Variants in PCDHGA6 observed in about 807,000 individuals in gnomAD.
PCDHGA6 encodes the protein protocadherin gamma subfamily A, 6.
PCDHGA6 carries 41 observed loss-of-function variants against 60.6 expected under a neutral mutation model. The observed-to-expected ratio is 0.68, with a 90% CI of 0.53 to 0.88. The LOEUF (loss-of-function observed/expected upper bound fraction) is 0.88. PCDHGA6 is among the 40% of genes least tolerant of loss of function. The pLI, the probability that PCDHGA6 is intolerant of heterozygous loss-of-function variation, is 0.00. For missense variants in PCDHGA6, 1,312 were observed against 1,203.0 expected (o/e 1.09, Z -1.34); for synonymous variants, 594 against 524.4 (o/e 1.13, Z -1.81).
intron 1 of PCDHGA6, among the ~76,000 whole-genome samples, chr5:141,430,066 G>A (rs550834063): frequency 4.1e-4 from 62 of 152,102 alleles, no homozygotes; most frequent in Non-Finnish European, 8.4e-4. Flanking sequence ...TCATTTTTAG[G>A]TTTCCATAAT....
In PCDHGA6 at chr5:141,486,752, C is replaced by G. The variant is rs776406247; in HGVS notation, c.2425-8055C>G. On this transcript the variant is annotated intron_variant, in intron 1 of 3. Transcript: ENST00000517434. The surrounding 1 kb of genome is among the most constrained non-coding windows in gnomAD (Gnocchi z 5.0). ...TGCTACTCGATCCTTTGACTATGAG[C>G]AAACCCAGACACTGCAGTTTGAGGT... 6.2e-7 allele frequency: 1 copy of G among 1,614,244 alleles called. No individual in the cohort carries two copies. The highest frequency in any genetic ancestry group is 1.3e-5 in the African/African-American group (1 of 75,080).
At chr5:141,483,745 T>C (rs1288301129) in intron 1 of PCDHGA6, among the ~76,000 whole-genome samples, 1 of 152,130 alleles carries the variant, frequency 6.6e-6, no homozygotes, top group Non-Finnish European at 1.5e-5. Flanking sequence ...AGGATATTCC[T>C]GAGGATCGAG....
At chr5:141,403,403 C>T in intron 1 of PCDHGA6, 5 of 1,614,066 alleles carry the variant, frequency 3.1e-6, no homozygotes, top group Non-Finnish European at 4.2e-6. Context: ...TCCTGGAGCA[C>T]GTTATCCACT....
At chr5:141,506,735 G>A (rs1467217136) in intron 3 of PCDHGA6, among the ~76,000 whole-genome samples, 1 of 152,098 alleles carries the variant, frequency 6.6e-6, no homozygotes, top group Non-Finnish European at 1.5e-5. Context: ...TTAGAATAAT[G>A]CCTATTAATA....
chr5:141,401,370 G>A (rs1226150761), intron 1 of PCDHGA6, among the ~76,000 whole-genome samples: 1 of 152,028 alleles, frequency 6.6e-6, no homozygotes, highest in Non-Finnish European at 1.5e-5. Flanking sequence ...AGGAGAGGAA[G>A]AAGAAGAAAA....
At position 141,485,930 on chromosome 5, in the gene PCDHGA6, G is replaced by C; in HGVS notation, c.2425-8877G>C. ...ATCCAGCTACAGGATTAGTGTGTTGGAGAGCGCACCAGCGGGCATGGTGCT... is the reference window on the plus strand; with the variant it reads ...ATCCAGCTACAGGATTAGTGTGTTGCAGAGCGCACCAGCGGGCATGGTGCT... On this transcript the variant is annotated intron_variant, in intron 1 of 3. Coordinates refer to ENST00000517434, the MANE Select transcript of PCDHGA6 (RefSeq NM_018919.3). The surrounding 1 kb of genome is among the most constrained non-coding windows in gnomAD (Gnocchi z 5.7). 6.2e-7 allele frequency: 1 copy of C among 1,614,178 alleles called. No homozygotes were observed. The highest frequency in any genetic ancestry group is 8.5e-7 in the Non-Finnish European group (1 of 1,180,042).
At chr5:141,455,330 G>T (rs2098819667) in intron 1 of PCDHGA6, among the ~76,000 whole-genome samples, 1 of 152,042 alleles carries the variant, frequency 6.6e-6, no homozygotes, top group South Asian at 2.1e-4. Context: ...GTGTGTTTGT[G>T]GTTTTAAGGA....
chr5:141,425,661 C>A (rs993314865), intron 1 of PCDHGA6, among the ~76,000 whole-genome samples: 5 of 152,184 alleles, frequency 3.3e-5, no homozygotes, highest in Admixed American at 3.3e-4. Context: ...ATTATCTGCA[C>A]ATCAGATTGA....
rs1236113306 is a variant in PCDHGA6, at chr5:141,374,714, G to A, written c.631G>A (p.Val211Ile). Residue 211 changes from valine to isoleucine, a missense_variant, in exon 1 of 4, where the codon GTC becomes ATC. Val to Ile is a conservative substitution (Grantham distance 29). Coordinates refer to ENST00000517434, the MANE Select transcript of PCDHGA6 (RefSeq NM_018919.3). ...DREGEAVYRL[V>I]LTAMDGGDPV... The stretch of plus-strand genomic sequence containing the variant: ...GGAAGGAGAAGCCGTTTACCGCCTG[G>A]TCCTTACTGCCATGGATGGCGGCGA... 1 of 1,609,850 alleles carries A rather than the reference G, an allele frequency of 6.2e-7. No homozygotes were observed. Among genetic ancestry groups the A allele is most frequent in the Middle Eastern group, 1.7e-4 (1 of 6,056 alleles).
chr5:141,456,301 C>CA (rs761557752), intron 1 of PCDHGA6, among the ~76,000 whole-genome samples: 14 of 152,154 alleles, frequency 9.2e-5, no homozygotes, highest in Non-Finnish European at 1.6e-4. Flanking sequence ...TAATGGAGAA[C>CA]AGCAGCTAGG....
intron 1 of PCDHGA6, among the ~76,000 whole-genome samples, chr5:141,447,993 T>A (rs2098557542): frequency 6.6e-6 from 1 of 151,554 alleles, no homozygotes; most frequent in Non-Finnish European, 1.5e-5. Context: ...GGCTGAGGCA[T>A]GAGAATCGCT....
intron 1 of PCDHGA6, chr5:141,409,017 G>T (rs745981387): frequency 3.1e-6 from 5 of 1,613,840 alleles, no homozygotes; most frequent in Non-Finnish European, 4.2e-6. Flanking sequence ...CAGGATGAGG[G>T]GGTCAATGCT....
At chr5:141,421,030 G>C (rs989158485) in intron 1 of PCDHGA6, 2 of 532,352 alleles carry the variant, frequency 3.8e-6, no homozygotes, top group African/African-American at 3.9e-5. Context: ...GCGCCATTGA[G>C]TCCCTCCCTC....
intron 1 of PCDHGA6, among the ~76,000 whole-genome samples, chr5:141,433,995 CT>C (rs2097669147): frequency 2.6e-5 from 4 of 152,028 alleles, no homozygotes; most frequent in Admixed American, 2.0e-4. Flanking sequence ...GTTTTATATT[CT>C]CTATATATGT....
chr5:141,505,621 A>G (rs1170133157), intron 3 of PCDHGA6, 140 bp downstream of exon 3: 5 of 1,495,758 alleles, frequency 3.3e-6, no homozygotes, highest in South Asian at 2.6e-5. Context: ...AGGACCCACA[A>G]TTCCAAACAT....
At chr5:141,497,201 G>A (rs1190666375) in intron 2 of PCDHGA6, among the ~76,000 whole-genome samples, 1 of 93,734 alleles carries the variant, frequency 1.1e-5, no homozygotes, top group African/African-American at 8.6e-5. Flanking sequence ...AGAACAATGT[G>A]AGTGTAATGG....
At chr5:141,409,868 A>G in intron 1 of PCDHGA6, 2 of 1,612,688 alleles carry the variant, frequency 1.2e-6, no homozygotes, top group South Asian at 1.1e-5. Context: ...GGGAGACCGC[A>G]ATGACAACGC....
chr5:141,398,189 T>A (rs926901002), intron 1 of PCDHGA6: 41 of 1,482,238 alleles, frequency 2.8e-5, no homozygotes, highest in Non-Finnish European at 3.5e-5. Context: ...TTTCTCTTCC[T>A]GCTGTCTTTG....
intron 1 of PCDHGA6, among the ~76,000 whole-genome samples, chr5:141,382,287 C>G (rs1263948846): frequency 7.2e-5 from 11 of 152,114 alleles, no homozygotes; most frequent in Non-Finnish European, 1.5e-4. Context: ...TCAATTAATA[C>G]TGAATTAATT....
Sources: gnomAD v4.1 joint callset for allele counts (sites outside exome capture counted in the v4.1 genomes callset) on GRCh38, gnomAD v4.1.1 for gene constraint, Gnocchi (gnomAD v3.1) non-coding constraint, MANE v1.5 for transcripts, NCBI Gene and HGNC (gene_info 2026-07-23, HGNC 2026-07-21) for gene names.